DLEU7: variants seen among roughly 807,000 people sequenced by gnomAD.
DLEU7 encodes leukemia-associated protein 7.
DLEU7 carries 17 observed loss-of-function variants against 16.0 expected under a neutral mutation model. That is an observed-to-expected ratio of 1.06 (90% CI 0.73 to 1.59). The LOEUF (loss-of-function observed/expected upper bound fraction) is 1.59. Among genes scored for constraint, DLEU7 ranks in the 40% most tolerant of loss-of-function variants. The probability of loss-of-function intolerance (pLI) is 0.00; values close to 1 mark genes in which losing one functional copy is unlikely to be tolerated. For synonymous variants in DLEU7, 113 were observed against 139.8 expected, an observed-to-expected ratio of 0.81 and a Z score of 1.35; for missense variants, 308 against 314.9, an observed-to-expected ratio of 0.98 and a Z score of 0.17.
intron 1 of DLEU7, among the ~76,000 whole-genome samples, chr13:50,733,945 T>G (rs1183625904): frequency 6.6e-6 from 1 of 152,170 alleles, no homozygotes; most frequent in Non-Finnish European, 1.5e-5. Context: ...TCTGATATAT[T>G]GATTCCAATG....
At chr13:50,772,716 A>G (rs1198816037) in intron 1 of DLEU7, among the ~76,000 whole-genome samples, 1 of 151,740 alleles carries the variant, frequency 6.6e-6, no homozygotes, top group East Asian at 1.9e-4. Context: ...CTTCATTTCA[A>G]CCTTGGTGAA....
chr13:50,748,791 G>A (rs1874478303), intron 1 of DLEU7, among the ~76,000 whole-genome samples: 1 of 152,168 alleles, frequency 6.6e-6, no homozygotes, highest in Admixed American at 6.5e-5. Context: ...TTGGAGAAAA[G>A]AGAGGCGAAA....
At chr13:50,784,763 A>G (rs528039479) in intron 1 of DLEU7, among the ~76,000 whole-genome samples, 15 of 152,150 alleles carry the variant, frequency 9.9e-5, no homozygotes, top group Non-Finnish European at 1.9e-4. Context: ...GGAGTGATCA[A>G]TCTCCTTCCC....
chr13:50,794,625 A>G (rs1346560328), intron 1 of DLEU7, among the ~76,000 whole-genome samples: 2 of 152,206 alleles, frequency 1.3e-5, no homozygotes, highest in Non-Finnish European at 2.9e-5. Context: ...GAGTTGGAAG[A>G]CATTGGTAGT....
At chr13:50,840,583 C>T (rs999847439) in intron 1 of DLEU7, among the ~76,000 whole-genome samples, 1 of 152,096 alleles carries the variant, frequency 6.6e-6, no homozygotes, top group Non-Finnish European at 1.5e-5. Flanking sequence ...GGAAGCAGTA[C>T]ATCTAAATGT....
intron 1 of DLEU7, among the ~76,000 whole-genome samples, chr13:50,739,049 T>G (rs1474952701): frequency 6.6e-6 from 1 of 151,760 alleles, no homozygotes; most frequent in Non-Finnish European, 1.5e-5. Flanking sequence ...ATTTCTGTTC[T>G]TCTTATCATG....
chr13:50,815,602 G>A (rs1876709937), intron 1 of DLEU7, among the ~76,000 whole-genome samples: 1 of 152,100 alleles, frequency 6.6e-6, no homozygotes, highest in African/African-American at 2.4e-5. Flanking sequence ...AGACTAGAGG[G>A]TGGCTTGCAT....
In DLEU7 at chr13:50,726,434, A is replaced by C. The variant is rs138442268; in HGVS notation, c.460-13194T>G. Among the ~76,000 whole-genome samples the C allele has an allele frequency of 6.3e-4, 96 of 152,238 alleles. No homozygotes were observed. Among genetic ancestry groups the C allele is most frequent in the African/African-American group, 2.2e-3 (90 of 41,536 alleles). Reference sequence around the variant, plus strand: ...TTCCCGCCTCCTCCTTTCACGGAACACAGGCTTCCATTTAACCAGAAATAC... The same window carrying C: ...TTCCCGCCTCCTCCTTTCACGGAACCCAGGCTTCCATTTAACCAGAAATAC... On this transcript the variant is annotated intron_variant, in intron 1 of 1. Transcript: ENST00000400393. This position sits in a 1 kb window ranked among gnomAD's most constrained non-coding sequence, Gnocchi z 4.0.
intron 1 of DLEU7, among the ~76,000 whole-genome samples, chr13:50,736,101 A>C (rs1387276314): frequency 6.6e-6 from 1 of 152,206 alleles, no homozygotes; most frequent in East Asian, 1.9e-4. Flanking sequence ...ACGAAGAATC[A>C]ATCTAAATAC....
chr13:50,717,875 G>A (rs970438872), intron 1 of DLEU7, among the ~76,000 whole-genome samples: 4 of 152,146 alleles, frequency 2.6e-5, no homozygotes, highest in African/African-American at 9.7e-5. Flanking sequence ...CAGGCAAAAT[G>A]AAAATGGAAC....
intron 1 of DLEU7, among the ~76,000 whole-genome samples, chr13:50,800,120 G>A (rs1876206920): frequency 6.6e-6 from 1 of 152,110 alleles, no homozygotes; most frequent in African/African-American, 2.4e-5. Flanking sequence ...CTCTGCTGAG[G>A]GTGGCAGATT....
Position 50,729,680 on chromosome 13 carries a change from G to A in DLEU7, c.460-16440C>T, listed in dbSNP as rs1180145982. 3.3e-5 allele frequency among the ~76,000 whole-genome samples: 5 copies of A among 152,298 alleles called. No homozygotes were observed. The South Asian group carries it at 8.3e-4, about 25-fold the overall frequency. On this transcript the variant is annotated intron_variant, in intron 1 of 1. Coordinates refer to the DLEU7 transcript ENST00000400393. ...AGAGTATAAGTGTTCTCTTTTCTCT[G>A]CAGCCTTGCCAGCATCTATTATTTT...
At chr13:50,741,239 A>G (rs1874242974) in intron 1 of DLEU7, among the ~76,000 whole-genome samples, 1 of 152,204 alleles carries the variant, frequency 6.6e-6, no homozygotes, top group Non-Finnish European at 1.5e-5. Context: ...GGGCCTTCTC[A>G]GTTCCCCTAA....
intron 1 of DLEU7, among the ~76,000 whole-genome samples, chr13:50,838,309 C>T (rs142774745): frequency 2.0e-3 from 303 of 152,334 alleles, no homozygotes; most frequent in African/African-American, 6.8e-3. Context: ...AGGGCAAAAA[C>T]GTTCTTCTGC....
At chr13:50,733,380 G>T (rs369785164) in intron 1 of DLEU7, among the ~76,000 whole-genome samples, 52 of 152,298 alleles carry the variant, frequency 3.4e-4, no homozygotes, top group South Asian at 1.7e-3. Flanking sequence ...CTACTAGGAA[G>T]TTTAGAATTA....
At chr13:50,739,905 G>T (rs1874201987) in intron 1 of DLEU7, among the ~76,000 whole-genome samples, 1 of 152,050 alleles carries the variant, frequency 6.6e-6, no homozygotes, top group African/African-American at 2.4e-5. Flanking sequence ...CCAAAGAAAT[G>T]ATTCTAGATG....
At position 50,843,107 on chromosome 13, in the gene DLEU7, CA is replaced by C; in HGVS notation, c.459+80del. 1.5e-6 allele frequency: 2 copies of C among 1,328,082 alleles called. No homozygotes were observed. Among genetic ancestry groups the C allele is most frequent in the Non-Finnish European group, 2.0e-6 (2 of 988,978 alleles). The allele number at this position is 1,328,082 out of a possible 1,614,324, so 82.3% of individuals were successfully genotyped here. On this transcript the variant is annotated intron_variant, in intron 1 of 1. Coordinates refer to ENST00000504404, the MANE Select transcript of DLEU7 (RefSeq NM_001306135.2). The surrounding 1 kb of genome is among the most constrained non-coding windows in gnomAD (Gnocchi z 5.7). Reference sequence around the variant, plus strand: ...AGTGTTTGGGATCCTGCGATCCACCCATCGCCATCCCAGCAGCCCCACCCTT... The same window carrying C: ...AGTGTTTGGGATCCTGCGATCCACCCTCGCCATCCCAGCAGCCCCACCCTT...
intron 1 of DLEU7, among the ~76,000 whole-genome samples, chr13:50,749,513 A>G (rs1311738838): frequency 1.3e-5 from 2 of 152,140 alleles, no homozygotes; most frequent in Non-Finnish European, 2.9e-5. Context: ...GCATCTCCAC[A>G]CTGTTTTCCA....
At chr13:50,798,555 T>A (rs986768654) in intron 1 of DLEU7, among the ~76,000 whole-genome samples, 6 of 152,126 alleles carry the variant, frequency 3.9e-5, no homozygotes, top group Non-Finnish European at 8.8e-5. Context: ...CCCACAATCC[T>A]TAAATCATGT....
Sources: gnomAD v4.1 joint callset for allele counts (sites outside exome capture counted in the v4.1 genomes callset) on GRCh38, gnomAD v4.1.1 for gene constraint, Gnocchi (gnomAD v3.1) non-coding constraint, MANE v1.5 for transcripts, NCBI Gene and HGNC (gene_info 2026-07-23, HGNC 2026-07-21) for gene names.